The following MYO1F variants were observed in gnomAD, a reference collection of about 807,000 sequenced individuals.
The protein encoded by MYO1F is myosin IF, also known as unconventional myosin-If.
In MYO1F, 60 loss-of-function variants were observed where a neutral mutation model predicts 146.6. The ratio of observed to expected loss-of-function variants is 0.41; its 90% confidence interval spans 0.33 to 0.51. MYO1F has a LOEUF of 0.51. Among genes scored for constraint, MYO1F ranks in the 20% least tolerant of loss-of-function variants. The pLI is 0.25. For missense variants in MYO1F, 1,274 were observed against 1,534.3 expected, an observed-to-expected ratio of 0.83 and a Z score of 2.83; for synonymous variants, 602 against 602.1, an observed-to-expected ratio of 1.00 and a Z score of 0.00.
At chr19:8,547,988 C>CCCCCCCCCCCCCCCA in intron 12 of MYO1F, 48 bp downstream of exon 12, 1 of 1,069,956 alleles carries the variant, frequency 9.3e-7, no homozygotes, top group Non-Finnish European at 1.4e-6. Flanking sequence ...GTCCTTCCAC[C>CCCCCCCCCCCCCCCA]CCACCCCCAC....
At chr19:8,566,864 T>G (rs753409156) in intron 1 of MYO1F, among the ~76,000 whole-genome samples, 1 of 151,830 alleles carries the variant, frequency 6.6e-6, no homozygotes, top group Non-Finnish European at 1.5e-5. Flanking sequence ...CAAACAGAGA[T>G]AGAGTCTCGC....
At chr19:8,541,785 A>G in intron 15 of MYO1F, 121 bp downstream of exon 15, 1 of 920,816 alleles carries the variant, frequency 1.1e-6, no homozygotes, top group South Asian at 1.3e-5. Context: ...CTGGCCGCAC[A>G]GCCACTCCCC....
At chr19:8,533,143 A>G (rs1972561420) in intron 19 of MYO1F, among the ~76,000 whole-genome samples, 1 of 142,150 alleles carries the variant, frequency 7.0e-6, no homozygotes, top group African/African-American at 2.7e-5. Flanking sequence ...GGCTCAAGGG[A>G]TCCTCCCACC....
chr19:8,544,497 G>A (rs539724789), intron 13 of MYO1F, 33 bp from the exon 14 acceptor site: 80 of 1,525,118 alleles, frequency 5.2e-5, no homozygotes, highest in Non-Finnish European at 6.8e-5. Context: ...CAGCGGCTCA[G>A]TTTGGTCTGC....
At chr19:8,573,908 A>G (rs1174613751) in intron 1 of MYO1F, among the ~76,000 whole-genome samples, 1 of 152,090 alleles carries the variant, frequency 6.6e-6, no homozygotes, top group Non-Finnish European at 1.5e-5. Context: ...ATAACCAACT[A>G]CCATTAGCAA....
intron 21 of MYO1F, among the ~76,000 whole-genome samples, chr19:8,529,526 A>C (rs1366994841): frequency 6.6e-6 from 1 of 152,038 alleles, no homozygotes; most frequent in African/African-American, 2.4e-5. Context: ...GTACCTATGG[A>C]CTAGGCTGCC....
chr19:8,530,105 G>A lies in MYO1F; in HGVS notation c.2328+91C>T, dbSNP rs1256419858. ...ATGGAACAGATGGATCTAGGCTGGG[G>A]GATATCTGGCTGTGGGCAGGTGCAT... On this transcript the variant is annotated intron_variant, in intron 21 of 27. Coordinates refer to ENST00000644032, the MANE Select transcript of MYO1F (RefSeq NM_012335.4). The surrounding 1 kb of genome is among the most constrained non-coding windows in gnomAD (Gnocchi z 5.8). The A allele has an allele frequency of 4.6e-6, 7 of 1,536,972 alleles. No homozygotes were observed. The highest frequency in any genetic ancestry group is 6.3e-6 in the Non-Finnish European group (7 of 1,113,842).
rs1033862286 is a variant in MYO1F, at chr19:8,550,194, C to G, written c.1067G>C (p.Gly356Ala). ...GAAGTCGAAGAGGCGGGCATAGAGC[C>G]CCTTGGCCAGGGCATCACGGGTGTA... is the stretch of plus-strand genomic sequence containing the variant. ...AAYTRDALAK[G>A]LYARLFDFLV... is the part of the protein sequence containing the mutation. Residue 356 changes from glycine to alanine, a missense_variant, in exon 10 of 28, where the codon GGG (glycine) becomes GCG (alanine). Coordinates refer to ENST00000644032, the MANE Select transcript of MYO1F (RefSeq NM_012335.4). 3 of 1,614,158 alleles carry G rather than the reference C, an allele frequency of 1.9e-6. No homozygotes were observed. The highest frequency in any genetic ancestry group is 1.7e-5 in the Admixed American group (1 of 60,014).
At chr19:8,542,725 C>T (rs61370919) in intron 14 of MYO1F, among the ~76,000 whole-genome samples, 97 of 151,578 alleles carry the variant, frequency 6.4e-4, no homozygotes, top group African/African-American at 2.2e-3. Flanking sequence ...CTCAGCCTCC[C>T]GATGAGCTGG....
chr19:8,536,170 T>TCC (rs1194865267), intron 19 of MYO1F, 82 bp downstream of exon 19: 4 of 1,431,904 alleles, frequency 2.8e-6, no homozygotes, highest in African/African-American at 2.8e-5. Flanking sequence ...TCCCTCTGTC[T>TCC]CTCTCTCTCT....
intron 1 of MYO1F, among the ~76,000 whole-genome samples, chr19:8,569,519 G>A (rs1034405762): frequency 2.0e-4 from 31 of 152,142 alleles, no homozygotes; most frequent in African/African-American, 7.0e-4. Flanking sequence ...TGCCATGGAG[G>A]GAACACACTT....
At chr19:8,551,252 A>C (rs994849798) in intron 8 of MYO1F, among the ~76,000 whole-genome samples, 2 of 149,982 alleles carry the variant, frequency 1.3e-5, no homozygotes, top group Non-Finnish European at 3.0e-5. Context: ...GGGTTTCACT[A>C]TGTTGGCCAG....
chr19:8,528,259 T>C (rs1321636090), intron 21 of MYO1F, among the ~76,000 whole-genome samples: 4 of 150,158 alleles, frequency 2.7e-5, no homozygotes, highest in Non-Finnish European at 5.9e-5. Flanking sequence ...TCAGGCGCGG[T>C]GGCACACGCC....
chr19:8,577,396 G>T lies in MYO1F; in HGVS notation c.-87C>A, dbSNP rs782262560. On this transcript the variant is annotated 5_prime_UTR_variant, in exon 1 of 28. Coordinates refer to ENST00000644032, the MANE Select transcript of MYO1F (RefSeq NM_012335.4). The surrounding 1 kb of genome is among the most constrained non-coding windows in gnomAD (Gnocchi z 4.3). ...TTCAGGGGGATCTTGGGGGTGGCTTGGGCATGGCCCTGCTTCTGCCCGTTC... is the reference window on the plus strand; with the variant it reads ...TTCAGGGGGATCTTGGGGGTGGCTTTGGCATGGCCCTGCTTCTGCCCGTTC... 6 of 1,482,124 alleles carry T rather than the reference G, an allele frequency of 4.0e-6. No individual in the cohort carries two copies. The African/African-American group carries it at 8.3e-5, about 20-fold the overall frequency. The allele number at this position is 1,482,124 out of a possible 1,614,324, so 91.8% of individuals were successfully genotyped here.
chr19:8,549,747 C>T (rs1973523717), intron 10 of MYO1F: 1 of 228,394 alleles, frequency 4.4e-6, no homozygotes, highest in African/African-American at 2.3e-5. Flanking sequence ...TCAAGTGATC[C>T]ATCCACCTCA....
At chr19:8,555,023 A>G (rs1349921635) in intron 2 of MYO1F, among the ~76,000 whole-genome samples, 3 of 151,932 alleles carry the variant, frequency 2.0e-5, no homozygotes. Context: ...GTCTCCACTA[A>G]TAATACAAAA....
At chr19:8,525,115 G>T (rs931510716) in intron 25 of MYO1F, 2 of 191,478 alleles carry the variant, frequency 1.0e-5, no homozygotes, top group Non-Finnish European at 2.1e-5. Context: ...CAGGAGAATC[G>T]CTTGAATCCA....
chr19:8,574,567 CTT>C (rs1261164317), intron 1 of MYO1F, among the ~76,000 whole-genome samples: 5 of 89,418 alleles, frequency 5.6e-5, no homozygotes, highest in African/African-American at 1.1e-4. Flanking sequence ...TTCTTTCTTT[CTT>C]TCTTTCTTTC....
Position 8,522,562 on chromosome 19 carries a change from GT to G in MYO1F, c.3051-17del. ...CCTCTGCATGCTGTGGGCACAGGGG[GT>G]TTGAGTCACAGCCCCAGACACTCCC... On this transcript the variant is annotated splice_polypyrimidine_tract_variant and intron_variant, in intron 26 of 27. Coordinates refer to ENST00000644032, the MANE Select transcript of MYO1F (RefSeq NM_012335.4). 1 of 1,609,990 alleles carries G rather than the reference GT, an allele frequency of 6.2e-7. No homozygotes were observed. Among genetic ancestry groups the G allele is most frequent in the Non-Finnish European group, 8.5e-7 (1 of 1,178,558 alleles).
Sources: allele counts gnomAD v4.1 joint callset (sites outside exome capture counted in the v4.1 genomes callset), GRCh38; gene constraint gnomAD v4.1.1; non-coding constraint Gnocchi (gnomAD v3.1); transcripts MANE v1.5; gene names NCBI Gene and HGNC (gene_info 2026-07-23, HGNC 2026-07-21).